The following ZFYVE28 variants were observed in gnomAD, a reference collection of about 807,000 sequenced individuals.
The protein encoded by ZFYVE28 is lateral signaling target protein 2 homolog.
ZFYVE28 carries 40 observed loss-of-function variants against 82.1 expected under a neutral mutation model. The observed-to-expected ratio is 0.49, with a 90% CI of 0.38 to 0.63. The LOEUF (loss-of-function observed/expected upper bound fraction) is 0.63, where lower values mean the gene tolerates loss of function less well. ZFYVE28 is among the 30% of genes least tolerant of loss of function. The pLI, the probability that ZFYVE28 is intolerant of heterozygous loss-of-function variation, is 0.00. For missense variants in ZFYVE28, 1,321 were observed against 1,242.1 expected (o/e 1.06, Z -0.96); for synonymous variants, 612 against 546.1 (o/e 1.12, Z -1.68).
At chr4:2,337,221 C>T (rs1415387019) in intron 5 of ZFYVE28, among the ~76,000 whole-genome samples, 186 bp downstream of exon 5, 1 of 152,006 alleles carries the variant, frequency 6.6e-6, no homozygotes, top group African/African-American at 2.4e-5. Context: ...GCAGGGGTGG[C>T]CTCTACCCTC....
chr4:2,404,143 A>G (rs971034890), intron 1 of ZFYVE28, among the ~76,000 whole-genome samples: 1 of 151,430 alleles, frequency 6.6e-6, no homozygotes, highest in African/African-American at 2.4e-5. Context: ...ACACGGTGAA[A>G]CCCTGTCTCT....
chr4:2,385,156 C>T (rs1425809414), intron 1 of ZFYVE28, among the ~76,000 whole-genome samples: 4 of 152,204 alleles, frequency 2.6e-5, no homozygotes, highest in Non-Finnish European at 5.9e-5. Context: ...TGCAGAGGCT[C>T]TCTGGGAATA....
chr4:2,307,075 C>G (rs1716693141), intron 7 of ZFYVE28: 2 of 152,272 alleles, frequency 1.3e-5, no homozygotes, highest in South Asian at 4.1e-4. Context: ...GAGAGCACTA[C>G]TGTCTTTAAC....
intron 8 of ZFYVE28, among the ~76,000 whole-genome samples, chr4:2,294,651 AAAGAC>A (rs1330794984): frequency 1.3e-5 from 2 of 152,386 alleles, no homozygotes; most frequent in African/African-American, 2.4e-5. Flanking sequence ...GTTAGAATGA[AAAGAC>A]AAGACAAGAT....
intron 1 of ZFYVE28, among the ~76,000 whole-genome samples, chr4:2,399,086 G>A (rs1408715438): frequency 1.5e-5 from 1 of 67,196 alleles, no homozygotes; most frequent in African/African-American, 5.9e-5. Context: ...AAGCGTGAAG[G>A]TGAGATCCAG....
chr4:2,336,460 A>T (rs1188915257), intron 5 of ZFYVE28, among the ~76,000 whole-genome samples: 1 of 152,246 alleles, frequency 6.6e-6, no homozygotes, highest in Non-Finnish European at 1.5e-5. Flanking sequence ...CCACTTGAAC[A>T]AGAGAAACAT....
intron 8 of ZFYVE28, among the ~76,000 whole-genome samples, chr4:2,282,644 T>C (rs1712112254): frequency 1.3e-5 from 2 of 152,202 alleles, no homozygotes; most frequent in Admixed American, 6.5e-5. Flanking sequence ...CAAGTGAGTA[T>C]GCAAACAGAA....
chr4:2,329,070 GT>G, intron 6 of ZFYVE28: 2 of 693,138 alleles, frequency 2.9e-6, no homozygotes, highest in Non-Finnish European at 5.3e-6. Flanking sequence ...TTTTGTTTTT[GT>G]TTTTCAATAT....
chr4:2,413,089 G>A (rs957189496), intron 1 of ZFYVE28, among the ~76,000 whole-genome samples: 4 of 152,174 alleles, frequency 2.6e-5, no homozygotes, highest in Non-Finnish European at 4.4e-5. Flanking sequence ...AGTGATGCTC[G>A]CCCTCTGTCT....
intron 8 of ZFYVE28, among the ~76,000 whole-genome samples, chr4:2,289,724 G>A (rs1004201072): frequency 2.6e-5 from 4 of 152,222 alleles, no homozygotes; most frequent in African/African-American, 9.7e-5. Flanking sequence ...GGGAGGTTAA[G>A]TTCCCTGCCC....
rs151260936 is a variant in ZFYVE28 at position 2,305,246 on chromosome 4, G to A, written c.1094C>T (p.Ala365Val). 14 of 1,612,102 alleles carry A rather than the reference G, an allele frequency of 8.7e-6. No individual in the cohort carries two copies. In the East Asian group the frequency reaches 2.7e-4, roughly 31 times the overall value. ...TGGCCTGTGAGCTGGGGACTGGCAG[G>A]CAATGGGCGGTGAAAGCAAAGAGGA... ...EMSSLLSPPI[A>V]CQSPAHRPGA... Residue 365 changes from alanine to valine, a missense_variant, in exon 8 of 13, where the codon GCC becomes GTC. Ala to Val is a moderately conservative substitution (Grantham distance 64, BLOSUM62 0). Transcript: ENST00000290974.
At chr4:2,333,015 A>G (rs979920666) in intron 6 of ZFYVE28, among the ~76,000 whole-genome samples, 3 of 151,036 alleles carry the variant, frequency 2.0e-5, no homozygotes, top group Admixed American at 1.3e-4. Flanking sequence ...CCCTCCTTCA[A>G]TCCAAGCCCC....
intron 2 of ZFYVE28, among the ~76,000 whole-genome samples, chr4:2,343,687 T>A (rs1431507909): frequency 9.2e-5 from 14 of 152,072 alleles, no homozygotes; most frequent in Non-Finnish European, 1.6e-4. Flanking sequence ...GTGGCACAGC[T>A]TGTCTAAGGC....
intron 8 of ZFYVE28, among the ~76,000 whole-genome samples, chr4:2,278,480 G>T (rs1294234171): frequency 6.6e-6 from 1 of 151,918 alleles, no homozygotes; most frequent in East Asian, 1.9e-4. Context: ...GAGCCACGGC[G>T]CCCAGGCTTA....
chr4:2,275,903 A>G (rs1363826997), intron 8 of ZFYVE28, among the ~76,000 whole-genome samples: 2 of 152,166 alleles, frequency 1.3e-5, no homozygotes, highest in African/African-American at 2.4e-5. Context: ...TCCGCCAGCA[A>G]TGGAATGGAA....
rs185124717 is a variant in ZFYVE28, at chr4:2,333,042, T to A, written c.701+2663A>T. ...CCAAGCCCCCTTCACCTCCTGGGGG[T>A]CCCTCACTCCCTTTCCAGGCTCTCC... On this transcript the variant is annotated intron_variant, in intron 6 of 12. Transcript: ENST00000290974. Among the ~76,000 whole-genome samples the A allele has an allele frequency of 2.5e-3, 376 of 150,378 alleles. 13 individuals carry two copies. The East Asian group carries it at 0.062, about 25-fold the overall frequency.
intron 6 of ZFYVE28, among the ~76,000 whole-genome samples, chr4:2,321,690 G>T (rs905761687): frequency 1.4e-4 from 21 of 152,158 alleles, no homozygotes; most frequent in Admixed American, 1.3e-3. Context: ...GAGCAGGGAA[G>T]GGGGCAGCCC....
At chr4:2,415,135 T>G (rs1232158842) in intron 1 of ZFYVE28, among the ~76,000 whole-genome samples, 1 of 152,262 alleles carries the variant, frequency 6.6e-6, no homozygotes, top group African/African-American at 2.4e-5. Context: ...GTTAAACTTT[T>G]GTATTATTCA....
chr4:2,335,941 G>C lies in ZFYVE28; in HGVS notation c.612-147C>G, dbSNP rs1210918421. The C allele has an allele frequency of 1.5e-6, 1 of 659,054 alleles. No homozygotes were observed. Among genetic ancestry groups the C allele is most frequent in the East Asian group, 2.8e-5 (1 of 36,292 alleles). 40.8% of individuals were successfully genotyped at this position (659,054 alleles called of 1,614,324 possible). On this transcript the variant is annotated intron_variant, in intron 5 of 12. Coordinates refer to ENST00000290974, the MANE Select transcript of ZFYVE28 (RefSeq NM_020972.3). The surrounding 1 kb of genome is among the most constrained non-coding windows in gnomAD (Gnocchi z 5.8). ...CAAGAGGTGACACATGCCACCCCCA[G>C]TCCTCATATGTGCAAGGGGCTGGGA...
Sources: gnomAD v4.1 joint callset for allele counts (sites outside exome capture counted in the v4.1 genomes callset) on GRCh38, gnomAD v4.1.1 for gene constraint, Gnocchi (gnomAD v3.1) non-coding constraint, MANE v1.5 for transcripts, NCBI Gene and HGNC (gene_info 2026-07-23, HGNC 2026-07-21) for gene names.